The following ATE1 variants were observed in gnomAD, a reference collection of about 807,000 sequenced individuals.
The protein encoded by ATE1 is arginyltransferase 1.
A neutral mutation model predicts 70.5 loss-of-function variants in ATE1; 36 were observed. The ratio of observed to expected loss-of-function variants is 0.51; its 90% CI spans 0.39 to 0.67. The LOEUF is 0.67. ATE1 is among the 30% of genes least tolerant of loss of function. The pLI is 0.00. For synonymous variants in ATE1, 232 were observed against 219.3 expected (o/e 1.06, Z -0.51); for missense variants, 593 against 629.5 (o/e 0.94, Z 0.62).
intron 7 of ATE1, among the ~76,000 whole-genome samples, chr10:121,874,426 A>C (rs925831521): frequency 2.0e-5 from 3 of 152,232 alleles, no homozygotes; most frequent in Non-Finnish European, 4.4e-5. Flanking sequence ...CAGACAAATA[A>C]AACCTTCAAA....
intron 7 of ATE1, among the ~76,000 whole-genome samples, chr10:121,894,355 G>A (rs1950694315): frequency 6.6e-6 from 1 of 152,032 alleles, no homozygotes; most frequent in African/African-American, 2.4e-5. Flanking sequence ...TCTAAAAGAG[G>A]CACACTTTAC....
chr10:121,834,909 T>C (rs1307366984), intron 10 of ATE1, among the ~76,000 whole-genome samples: 2 of 152,080 alleles, frequency 1.3e-5, no homozygotes, highest in African/African-American at 2.4e-5. Flanking sequence ...GTGTACTACA[T>C]AAAGGAAGAT....
In ATE1 at chr10:121,743,799, T is replaced by C. The variant is rs776466464; in HGVS notation, c.1438A>G (p.Met480Val). 6.2e-7 allele frequency: 1 copy of C among 1,614,122 alleles called. No individual in the cohort carries two copies. Among genetic ancestry groups the C allele is most frequent in the Non-Finnish European group, 8.5e-7 (1 of 1,180,022 alleles). ...RLQVFHKRAIMPYGVYKKQQK... is the reference protein window; with the variant it reads ...RLQVFHKRAIVPYGVYKKQQK... ...TGTTTCTTATAAACACCGTAAGGCATGATGGCTCTCTTGTGAAACACCTGC... is the reference window on the plus strand; with the variant it reads ...TGTTTCTTATAAACACCGTAAGGCACGATGGCTCTCTTGTGAAACACCTGC... The change falls in exon 12 of 12, where the codon ATG (methionine) becomes GTG (valine). Residue 480 changes from methionine (M) to valine (V), a missense_variant. By Grantham distance (21) the Met-to-Val change is conservative. Transcript: ENST00000224652.
intron 10 of ATE1, among the ~76,000 whole-genome samples, chr10:121,810,407 A>G (rs1300974145): frequency 6.6e-6 from 1 of 152,010 alleles, no homozygotes; most frequent in African/African-American, 2.4e-5. Context: ...AGTAGCTGGG[A>G]CTACAGGTGA....
intron 7 of ATE1, among the ~76,000 whole-genome samples, chr10:121,874,064 A>G (rs2134051223): frequency 6.6e-6 from 1 of 152,260 alleles, no homozygotes; most frequent in Middle Eastern, 3.4e-3. Flanking sequence ...TTACTGTCCT[A>G]TAATTTGTCA....
rs34468953 is a variant in ATE1 at position 121,925,887 on chromosome 10, TAA to T, written c.107-1560_107-1559del. ...TGAGCAAAGGAGCAAGACTGCCTCT[TAA>T]AAAAAAAAAAAAAATTAAAGTTAAA... On this transcript the variant is annotated intron_variant, in intron 1 of 11. Coordinates refer to ENST00000224652, the MANE Select transcript of ATE1 (RefSeq NM_001001976.3). 3.5e-3 allele frequency among the ~76,000 whole-genome samples: 496 copies of T among 141,544 alleles called. 2 individuals are homozygous for T. Among genetic ancestry groups the T allele is most frequent in the Middle Eastern group, 7.1e-3 (2 of 280 alleles). The allele number at this position is 141,544 out of a possible 152,430, so 92.9% of individuals were successfully genotyped here. A position where few individuals can be genotyped will look rare whatever the true frequency, so the allele number is the denominator to read the frequency against.
chr10:121,819,706 A>G (rs898894452), intron 10 of ATE1, among the ~76,000 whole-genome samples: 14 of 145,356 alleles, frequency 9.6e-5, no homozygotes, highest in African/African-American at 3.2e-4. Context: ...AAAAAAGACT[A>G]CACACATTGG....
chr10:121,813,056 T>C (rs1947389903), intron 10 of ATE1, among the ~76,000 whole-genome samples: 2 of 152,216 alleles, frequency 1.3e-5, no homozygotes, highest in Non-Finnish European at 2.9e-5. Flanking sequence ...TCTGTTTCAC[T>C]ATTTTAAAAT....
At chr10:121,916,770 G>A (rs544830651) in intron 3 of ATE1, among the ~76,000 whole-genome samples, 6 of 151,990 alleles carry the variant, frequency 3.9e-5, no homozygotes, top group Non-Finnish European at 8.8e-5. Flanking sequence ...GGGAGGCAGA[G>A]GGAGCAGTGA....
chr10:121,892,416 G>A (rs962648031), intron 7 of ATE1, among the ~76,000 whole-genome samples: 3 of 151,924 alleles, frequency 2.0e-5, no homozygotes, highest in South Asian at 2.1e-4. Context: ...GGGAGGAGGG[G>A]TTAGGGAAAG....
chr10:121,859,060 A>G (rs534184188), intron 8 of ATE1, among the ~76,000 whole-genome samples: 1 of 152,040 alleles, frequency 6.6e-6, no homozygotes, highest in East Asian at 1.9e-4. Flanking sequence ...GCACCATTGC[A>G]CTCCAGCCTA....
At chr10:121,756,036 T>C (rs1944785485) in intron 11 of ATE1, among the ~76,000 whole-genome samples, 1 of 152,218 alleles carries the variant, frequency 6.6e-6, no homozygotes, top group South Asian at 2.1e-4. Flanking sequence ...CTTCTGCCTA[T>C]GAGCCTGTAG....
chr10:121,838,570 C>A (rs540882388), intron 9 of ATE1, among the ~76,000 whole-genome samples: 1 of 152,114 alleles, frequency 6.6e-6, no homozygotes, highest in Non-Finnish European at 1.5e-5. Flanking sequence ...CTGTTCTCTA[C>A]GAGGAAAGAC....
chr10:121,740,577 A>C lies in ATE1; in HGVS notation c.*3103T>G, dbSNP rs1944120461. ...TTAGAAAAGAGTGTGCACTTGAATA[A>C]CTTCTAATTCAAACATTTTCCAACT... On this transcript the variant is annotated 3_prime_UTR_variant, in exon 12 of 12. Coordinates refer to ENST00000224652, the MANE Select transcript of ATE1 (RefSeq NM_001001976.3). The C allele has an allele frequency of 6.6e-6, 1 of 152,098 alleles. No individual in the cohort carries two copies. Among genetic ancestry groups the C allele is most frequent in the Non-Finnish European group, 1.5e-5 (1 of 67,992 alleles). 9.4% of individuals were successfully genotyped at this position (152,098 alleles called of 1,614,324 possible).
At chr10:121,841,327 T>C in intron 8 of ATE1, 64 bp from the exon 9 acceptor site, 1 of 1,117,642 alleles carries the variant, frequency 8.9e-7, no homozygotes, top group South Asian at 4.0e-5. Flanking sequence ...ATAATTAATA[T>C]ATACTTTCAT....
chr10:121,926,588 T>C (rs1952099574), intron 1 of ATE1: 8 of 530,648 alleles, frequency 1.5e-5, no homozygotes, highest in African/African-American at 2.1e-5. Flanking sequence ...ATCACAATTA[T>C]TGGAAAAAAA....
chr10:121,755,843 G>A (rs1350596090), intron 11 of ATE1, among the ~76,000 whole-genome samples: 2 of 152,136 alleles, frequency 1.3e-5, no homozygotes, highest in Non-Finnish European at 2.9e-5. Flanking sequence ...GGAGCTACAA[G>A]ATGAGATTTG....
chr10:121,794,661 T>TAACAAAA (rs1946588480), intron 10 of ATE1, among the ~76,000 whole-genome samples: 1 of 65,732 alleles, frequency 1.5e-5, no homozygotes, highest in Non-Finnish European at 2.7e-5. Context: ...GAATGTCTGG[T>TAACAAAA]AAAAAAAAAA....
intron 8 of ATE1, among the ~76,000 whole-genome samples, chr10:121,860,790 G>A (rs114018015): frequency 0.013 from 2,040 of 152,118 alleles, 38 homozygotes; most frequent in African/African-American, 0.047. Context: ...TGTCAAAAAG[G>A]CTAAGTAACA....
Sources: allele counts gnomAD v4.1 joint callset (sites outside exome capture counted in the v4.1 genomes callset), GRCh38; gene constraint gnomAD v4.1.1; transcripts MANE v1.5; gene names NCBI Gene and HGNC (gene_info 2026-07-23, HGNC 2026-07-21).